RGS6: variants seen among roughly 807,000 people sequenced by gnomAD.
The protein encoded by RGS6 is regulator of G protein signaling 6, also known as regulator of G-protein signaling 6.
In RGS6, 30 loss-of-function variants were observed where a neutral mutation model predicts 78.5. The observed-to-expected ratio is 0.38, with a 90% confidence interval of 0.29 to 0.52. RGS6 has a LOEUF of 0.52. Among genes scored for constraint, RGS6 ranks in the 20% least tolerant of loss-of-function variants. The pLI, the probability that RGS6 is intolerant of heterozygous loss-of-function variation, is 0.85. For synonymous variants in RGS6, 206 were observed against 206.0 expected, an observed-to-expected ratio of 1.00 and a Z score of 0.00; for missense variants, 495 against 609.7, an observed-to-expected ratio of 0.81 and a Z score of 1.98.
chr14:72,240,806 T>C (rs897579884), intron 2 of RGS6, among the ~76,000 whole-genome samples: 1 of 152,068 alleles, frequency 6.6e-6, no homozygotes, highest in Admixed American at 6.6e-5. Flanking sequence ...AACAATGCGG[T>C]TTAGTATTTA....
chr14:72,377,793 C>A (rs2085132801), intron 3 of RGS6, among the ~76,000 whole-genome samples: 1 of 152,130 alleles, frequency 6.6e-6, no homozygotes, highest in South Asian at 2.1e-4. Flanking sequence ...GCCTGGACAA[C>A]ATAGTGAGGC....
chr14:72,245,496 A>T (rs984641909), intron 2 of RGS6, among the ~76,000 whole-genome samples: 1 of 152,258 alleles, frequency 6.6e-6, no homozygotes, highest in Non-Finnish European at 1.5e-5. Flanking sequence ...TTGCAGCAGG[A>T]TCACGCCCTT....
intron 2 of RGS6, among the ~76,000 whole-genome samples, chr14:72,048,220 C>A (rs571185749): frequency 1.3e-5 from 2 of 152,134 alleles, no homozygotes; most frequent in Non-Finnish European, 2.9e-5. Context: ...TTCACTTTAA[C>A]GGGGTTACCA....
chr14:72,367,813 C>T (rs948704958), intron 3 of RGS6, among the ~76,000 whole-genome samples: 57 of 152,138 alleles, frequency 3.7e-4, no homozygotes, highest in African/African-American at 1.3e-3. Context: ...CACTGTGTGA[C>T]CTTGAGCTAG....
chr14:72,520,400 A>G (rs1278276690), intron 15 of RGS6, among the ~76,000 whole-genome samples: 1 of 152,222 alleles, frequency 6.6e-6, no homozygotes, highest in African/African-American at 2.4e-5. Flanking sequence ...TTTTATGGAC[A>G]AAACCACTTC....
chr14:72,435,394 C>G (rs1309644201), intron 3 of RGS6, among the ~76,000 whole-genome samples: 1 of 152,128 alleles, frequency 6.6e-6, no homozygotes, highest in African/African-American at 2.4e-5. Flanking sequence ...GGCTGAGCAC[C>G]TTGTTGCCCA....
intron 3 of RGS6, among the ~76,000 whole-genome samples, chr14:72,403,178 T>C (rs1156669963): frequency 6.6e-6 from 1 of 152,160 alleles, no homozygotes; most frequent in African/African-American, 2.4e-5. Flanking sequence ...CTATTCACAA[T>C]CGCTAAGATA....
chr14:72,284,095 C>A (rs928006183), intron 2 of RGS6, among the ~76,000 whole-genome samples: 4 of 152,138 alleles, frequency 2.6e-5, no homozygotes, highest in Admixed American at 1.3e-4. Context: ...TGCTAAGCAG[C>A]AAACCATTCA....
At chr14:72,537,433 C>G (rs552484920) in intron 16 of RGS6, 2 of 701,686 alleles carry the variant, frequency 2.9e-6, no homozygotes, top group South Asian at 1.5e-5. Context: ...TGGAAAGAGG[C>G]CATGGAGTCT....
intron 2 of RGS6, among the ~76,000 whole-genome samples, chr14:72,084,674 A>G (rs1254222272): frequency 6.6e-6 from 1 of 152,102 alleles, no homozygotes; most frequent in Non-Finnish European, 1.5e-5. Context: ...TTAGCAATCA[A>G]TGGGAAGTGC....
At chr14:72,079,526 T>C (rs570032787) in intron 2 of RGS6, among the ~76,000 whole-genome samples, 33 of 152,282 alleles carry the variant, frequency 2.2e-4, no homozygotes, top group East Asian at 3.9e-4. Flanking sequence ...CACAGACTTA[T>C]CATTTTTTTG....
At chr14:72,449,492 C>G (rs550314983) in intron 3 of RGS6, among the ~76,000 whole-genome samples, 3 of 152,230 alleles carry the variant, frequency 2.0e-5, no homozygotes, top group African/African-American at 7.2e-5. Flanking sequence ...CTGTCAAATT[C>G]TACAATTTTG....
chr14:71,995,663 C>T (rs952683474), intron 2 of RGS6, among the ~76,000 whole-genome samples: 1 of 152,178 alleles, frequency 6.6e-6, no homozygotes, highest in African/African-American at 2.4e-5. Context: ...GAACCTGACA[C>T]GTAGCAGGTG....
chr14:72,030,748 A>T (rs1301520518), intron 2 of RGS6, among the ~76,000 whole-genome samples: 1 of 152,208 alleles, frequency 6.6e-6, no homozygotes, highest in Non-Finnish European at 1.5e-5. Flanking sequence ...ATTATCTTAA[A>T]GGTGAAAGGG....
At chr14:72,432,006 A>G (rs1350910280) in intron 3 of RGS6, among the ~76,000 whole-genome samples, 1 of 152,134 alleles carries the variant, frequency 6.6e-6, no homozygotes, top group East Asian at 1.9e-4. Context: ...CTTGCTTTGG[A>G]TTAGGAAACC....
intron 2 of RGS6, among the ~76,000 whole-genome samples, chr14:72,265,492 G>T (rs545338160): frequency 2.4e-4 from 36 of 152,284 alleles, no homozygotes. Flanking sequence ...TGTCGTGTTT[G>T]TCTGTTTTTA....
chr14:71,876,894 T>G, the RGS6 span, among the ~76,000 whole-genome samples: 3 of 152,138 alleles, frequency 2.0e-5, no homozygotes, highest in Non-Finnish European at 1.5e-5. Context: ...CTCTCAGCAT[T>G]TGCTTGTCTG....
intron 2 of RGS6, among the ~76,000 whole-genome samples, chr14:72,147,386 G>T (rs542569043): frequency 6.6e-6 from 1 of 152,336 alleles, no homozygotes; most frequent in Admixed American, 6.5e-5. Flanking sequence ...GAAAGCCAGC[G>T]TCTGGCAAGA....
the RGS6 span, among the ~76,000 whole-genome samples, chr14:72,596,382 T>C: frequency 5.9e-5 from 9 of 152,160 alleles, no homozygotes; most frequent in South Asian, 2.1e-4. Context: ...AGGTTAATCT[T>C]CCTATCTTAA....
Sources: gnomAD v4.1 joint callset for allele counts (sites outside exome capture counted in the v4.1 genomes callset) on GRCh38, gnomAD v4.1.1 for gene constraint, MANE v1.5 for transcripts, NCBI Gene and HGNC (gene_info 2026-07-23, HGNC 2026-07-21) for gene names.